Variants in MYO16 observed in about 807,000 individuals in gnomAD.
MYO16 encodes myosin XVI, also known as unconventional myosin-XVI.
In MYO16, 94 loss-of-function variants were observed where a neutral mutation model predicts 205.3. That is an observed-to-expected ratio of 0.46 (90% CI 0.39 to 0.54). The LOEUF is 0.54. MYO16 is among the 20% of genes least tolerant of loss of function. The pLI, the probability that MYO16 is intolerant of heterozygous loss-of-function variation, is 0.00. For missense variants in MYO16, 2,315 were observed against 2,387.5 expected, an observed-to-expected ratio of 0.97 and a Z score of 0.63; for synonymous variants, 988 against 954.0, an observed-to-expected ratio of 1.04 and a Z score of -0.66.
At chr13:108,634,760 A>G (rs573411345) in intron 1 of MYO16, among the ~76,000 whole-genome samples, 1 of 152,210 alleles carries the variant, frequency 6.6e-6, no homozygotes, top group East Asian at 1.9e-4. Flanking sequence ...GTTTTCTCCT[A>G]ATTCACTAGC....
chr13:109,020,742 T>C (rs888420492), intron 23 of MYO16, among the ~76,000 whole-genome samples: 1 of 152,166 alleles, frequency 6.6e-6, no homozygotes, highest in Non-Finnish European at 1.5e-5. Flanking sequence ...CTTAACTCCT[T>C]TGACCCCACT....
chr13:108,528,568 TCTCCC>T, the MYO16 span, among the ~76,000 whole-genome samples: 4 of 108,842 alleles, frequency 3.7e-5, no homozygotes, highest in South Asian at 3.1e-4. Flanking sequence ...TCTCCTCTCC[TCTCCC>T]CTCCCCTCCC....
the MYO16 span, among the ~76,000 whole-genome samples, chr13:108,504,614 C>G: frequency 6.6e-6 from 1 of 151,916 alleles, no homozygotes; most frequent in Non-Finnish European, 1.5e-5. Flanking sequence ...TGGCTCACTG[C>G]AACCTCTGCC....
intron 4 of MYO16, among the ~76,000 whole-genome samples, chr13:108,757,102 A>C (rs1015653166): frequency 6.6e-6 from 1 of 152,226 alleles, no homozygotes; most frequent in Non-Finnish European, 1.5e-5. Context: ...TTTAACTTTT[A>C]ATACTAACTT....
At chr13:108,695,809 A>G (rs1051723964) in intron 2 of MYO16, among the ~76,000 whole-genome samples, 1 of 152,196 alleles carries the variant, frequency 6.6e-6, no homozygotes, top group African/African-American at 2.4e-5. Context: ...TGAACATCAT[A>G]TAACCACCAC....
intron 16 of MYO16, among the ~76,000 whole-genome samples, chr13:108,911,803 C>T (rs76264736): frequency 0.026 from 3,921 of 151,928 alleles, 238 homozygotes; most frequent in East Asian, 0.17. Context: ...GTGGTGCAGG[C>T]GATGAGGAAT....
intron 1 of MYO16, among the ~76,000 whole-genome samples, chr13:108,661,346 A>C (rs1881493692): frequency 6.6e-6 from 1 of 152,034 alleles, no homozygotes; most frequent in African/African-American, 2.4e-5. Context: ...AGGCTGGGGA[A>C]ATTTTCATCA....
At chr13:108,674,281 C>G (rs1360617456) in intron 2 of MYO16, among the ~76,000 whole-genome samples, 1 of 151,990 alleles carries the variant, frequency 6.6e-6, no homozygotes, top group Non-Finnish European at 1.5e-5. Flanking sequence ...CAGCTGTTTC[C>G]TTGTATTTAC....
Position 108,816,415 on chromosome 13 carries a change from C to CCT in MYO16, c.868-3921_868-3920insTC, listed in dbSNP as rs1594316421. On this transcript the variant is annotated intron_variant, in intron 7 of 34. Transcript: ENST00000457511. ...GCTAGAATGGGCATGAAGTAGCGCC[C>CCT]CCCACCCACCCCAAGTAAGAGTTAA... 6.8e-5 allele frequency among the ~76,000 whole-genome samples: 7 copies of CCT among 102,456 alleles called. No homozygotes were observed. The East Asian group carries it at 2.2e-3, about 32-fold the overall frequency. The allele number at this position is 102,456 out of a possible 152,430, so 67.2% of individuals were successfully genotyped here.
chr13:108,923,832 C>T (rs1031270737), intron 16 of MYO16, among the ~76,000 whole-genome samples: 23 of 152,290 alleles, frequency 1.5e-4, no homozygotes, highest in Non-Finnish European at 2.4e-4. Context: ...AACAAGCATA[C>T]GTAGATTTTG....
At position 108,862,767 on chromosome 13, in the gene MYO16, T is replaced by C. The variant is rs140590440; in HGVS notation, c.1360-3410T>C. Among the ~76,000 whole-genome samples, 1,308 of 152,312 alleles carry C rather than the reference T, an allele frequency of 8.6e-3. 25 individuals carry two copies. Among genetic ancestry groups the C allele is most frequent in the African/African-American group, 0.03 (1,227 of 41,556 alleles). ...AATTGGATTTGTATTGGTATTGCAT[T>C]GAATATATAGATTAAGTGGAAATAA... On this transcript the variant is annotated intron_variant, in intron 11 of 34. Transcript: ENST00000457511.
intron 23 of MYO16, among the ~76,000 whole-genome samples, chr13:109,044,467 T>A (rs1368368332): frequency 1.3e-5 from 2 of 152,144 alleles, no homozygotes; most frequent in African/African-American, 4.8e-5. Flanking sequence ...AAATCCATAG[T>A]CCTTTTTGAT....
At chr13:108,712,516 T>C in intron 2 of MYO16, 145 bp from the exon 3 acceptor site, 2 of 704,738 alleles carry the variant, frequency 2.8e-6, no homozygotes, top group Middle Eastern at 2.4e-4. Context: ...ATCATCATAA[T>C]AAATAGGGTC....
chr13:109,097,128 G>A (rs570754081), intron 27 of MYO16, among the ~76,000 whole-genome samples: 2 of 152,312 alleles, frequency 1.3e-5, no homozygotes, highest in East Asian at 3.9e-4. Context: ...TCAGCAGTTC[G>A]AGACTAGCCT....
chr13:108,723,061 G>A (rs1469284763), intron 3 of MYO16, among the ~76,000 whole-genome samples: 1 of 152,084 alleles, frequency 6.6e-6, no homozygotes, highest in Non-Finnish European at 1.5e-5. Flanking sequence ...CACGGTGGTT[G>A]TTGTACACTC....
At chr13:108,843,032 T>C (rs1218780520) in intron 9 of MYO16, among the ~76,000 whole-genome samples, 1 of 152,018 alleles carries the variant, frequency 6.6e-6, no homozygotes, top group Non-Finnish European at 1.5e-5. Context: ...TGCTTATGTG[T>C]GGACTCTTAA....
intron 2 of MYO16, among the ~76,000 whole-genome samples, chr13:108,687,022 A>T (rs1007000539): frequency 3.9e-5 from 6 of 152,174 alleles, no homozygotes; most frequent in Non-Finnish European, 7.3e-5. Flanking sequence ...ATCAAGTTCA[A>T]ATGGTTCTGC....
At chr13:108,696,346 T>A (rs1032928037) in intron 2 of MYO16, among the ~76,000 whole-genome samples, 1 of 152,274 alleles carries the variant, frequency 6.6e-6, no homozygotes, top group African/African-American at 2.4e-5. Flanking sequence ...TGTCTACCAA[T>A]GGGGAATTGG....
At chr13:108,880,720 A>G (rs1232919721) in intron 12 of MYO16, among the ~76,000 whole-genome samples, 2 of 152,096 alleles carry the variant, frequency 1.3e-5, no homozygotes, top group East Asian at 3.9e-4. Context: ...CCATTGGTCT[A>G]TATCTCTGTT....
Sources: gnomAD v4.1 joint callset for allele counts (sites outside exome capture counted in the v4.1 genomes callset) on GRCh38, gnomAD v4.1.1 for gene constraint, MANE v1.5 for transcripts, NCBI Gene and HGNC (gene_info 2026-07-23, HGNC 2026-07-21) for gene names.